USP39: variants seen among roughly 807,000 people sequenced by gnomAD.
USP39 encodes the protein ubiquitin carboxyl-terminal hydrolase 39.
A neutral mutation model predicts 66.4 loss-of-function variants in USP39; 38 were observed. That is an observed-to-expected ratio of 0.57 (90% confidence interval 0.44 to 0.75). The LOEUF is 0.75. Ranked by LOEUF, USP39 falls within the 30% of genes least tolerant of loss-of-function variation. The pLI, the probability that USP39 is intolerant of heterozygous loss-of-function variation, is 0.00. For missense variants in USP39, 608 were observed against 714.4 expected, an observed-to-expected ratio of 0.85 and a Z score of 1.70; for synonymous variants, 303 against 274.6, an observed-to-expected ratio of 1.10 and a Z score of -1.02.
At position 85,641,026 on chromosome 2, in the gene USP39, G is replaced by A. The variant is rs373660253; in HGVS notation, c.1335G>A (p.Lys445=). 5.6e-6 allele frequency: 9 copies of A among 1,613,698 alleles called. No homozygotes were observed. The African/African-American group carries it at 8.0e-5, about 14-fold the overall frequency. ...ENFLKRFQLT[K]LPPYLIFCIK... ...TTCTGAAGCGCTTCCAGCTTACCAAGTTGCCTCCATATCTAATCTTTTGTA... is the reference window on the plus strand; with the variant it reads ...TTCTGAAGCGCTTCCAGCTTACCAAATTGCCTCCATATCTAATCTTTTGTA... Residue 445 remains lysine, a synonymous_variant, in exon 10 of 13, where the codon AAG becomes AAA. Coordinates refer to ENST00000323701, the MANE Select transcript of USP39 (RefSeq NM_006590.4).
upstream of USP39, chr2:85,611,759 C>G (rs754900739): frequency 6.2e-7 from 1 of 1,612,302 alleles, no homozygotes; most frequent in Non-Finnish European, 8.5e-7. Flanking sequence ...CCTTGGCCGC[C>G]TGCTTCACCT....
Position 85,649,027 on chromosome 2 carries a change from C to T in USP39, c.*219C>T. The T allele has an allele frequency of 1.7e-6, 1 of 593,708 alleles. No individual in the cohort carries two copies. The highest frequency in any genetic ancestry group is 3.0e-6 in the Non-Finnish European group (1 of 331,582). 36.8% of individuals were successfully genotyped at this position (593,708 alleles called of 1,614,324 possible). A position where few individuals can be genotyped will look rare whatever the true frequency, so the allele number is the denominator to read the frequency against. ...ATCATTTTTTTCTAGATTGATGCTC[C>T]TTTCTCCCATGCATTGAGCTCCCAT... On this transcript the variant is annotated 3_prime_UTR_variant, in exon 13 of 13. Coordinates refer to ENST00000323701, the MANE Select transcript of USP39 (RefSeq NM_006590.4).
chr2:85,611,405 A>AGT, upstream of USP39: 1 of 1,493,752 alleles, frequency 6.7e-7, no homozygotes, highest in South Asian at 1.4e-5. Flanking sequence ...ACTAAAATAC[A>AGT]GCACGGTGGG....
Position 85,639,264 on chromosome 2 carries a change from C to G in USP39, c.1157C>G (p.Ser386Cys), listed in dbSNP as rs771705876. 7 of 1,613,852 alleles carry G rather than the reference C, an allele frequency of 4.3e-6. No homozygotes were observed. The highest frequency in any genetic ancestry group is 5.9e-6 in the Non-Finnish European group (7 of 1,180,016). ...NDEYQETMVE[S>C]TFMYLTLDLP... ...GAGTACCAGGAGACAATGGTGGAGT[C>G]CACTTTTATGTACCTGACGCTGGAC... Residue 386 changes from serine to cysteine, a missense_variant, in exon 9 of 13, where the codon TCC (serine) becomes TGC (cysteine). By Grantham distance (112) the Ser-to-Cys change is moderately radical. This residue lies in a region of USP39 where 164 missense variants were observed against 250.3 expected (regional missense o/e 0.66). Transcript: ENST00000323701.
upstream of USP39, chr2:85,611,723 G>A (rs899250671): frequency 6.2e-7 from 1 of 1,603,842 alleles, no homozygotes; most frequent in Admixed American, 1.7e-5. Flanking sequence ...GCGTCGGCGC[G>A]GGCGTGTGCC....
In USP39 at chr2:85,616,490, G is replaced by A. The variant is rs750190787; in HGVS notation, c.268+27G>A. On this transcript the variant is annotated intron_variant, in intron 1 of 12. Coordinates refer to ENST00000323701, the MANE Select transcript of USP39 (RefSeq NM_006590.4). ...TGCGCGGGGCCGGGCCGGGCTAGGC[G>A]CGAGAGCCTGTTTTTTTCGCGTCCT... The A allele has an allele frequency of 1.5e-5, 21 of 1,421,998 alleles. No individual in the cohort carries two copies. The African/African-American group carries it at 2.5e-4, about 17-fold the overall frequency. The allele number at this position is 1,421,998 out of a possible 1,614,324, so 88.1% of individuals were successfully genotyped here.
intron 7 of USP39, 34 bp downstream of exon 7, chr2:85,636,164 G>A (rs1369213286): frequency 6.2e-7 from 1 of 1,603,994 alleles, no homozygotes; most frequent in Non-Finnish European, 8.5e-7. Flanking sequence ...GAGTTATTTT[G>A]TTCCCTTTTA....
chr2:85,622,283 G>A (rs1674522862), intron 3 of USP39, among the ~76,000 whole-genome samples: 1 of 151,372 alleles, frequency 6.6e-6, no homozygotes, highest in Admixed American at 6.6e-5. Context: ...CATCACACCC[G>A]GCTAATTTTA....
upstream of USP39, chr2:85,608,803 G>GA: frequency 5.7e-6 from 6 of 1,056,082 alleles, no homozygotes; most frequent in Admixed American, 2.4e-5. Flanking sequence ...GCCAGGTGTA[G>GA]TCCTGCAACA....
chr2:85,625,662 G>A lies in USP39; in HGVS notation c.694G>A (p.Ala232Thr). ...PGIVGLNNIK[A>T]NDYANAVLQA... The stretch of plus-strand genomic sequence containing the variant: ...TATTGTGGGACTGAATAACATAAAG[G>A]CCAATGATTATGCCAACGCTGTCCT... Residue 232 changes from alanine to threonine, a missense_variant, in exon 5 of 13, where the codon GCC becomes ACC. By Grantham distance (58) the Ala-to-Thr change is moderately conservative. Around this residue, in one of 6 missense-constraint regions of USP39, gnomAD observed 115 missense variants for 198.6 expected, o/e 0.58. Transcript: ENST00000323701. 6.2e-7 allele frequency: 1 copy of A among 1,613,684 alleles called. No homozygotes were observed. The highest frequency in any genetic ancestry group is 8.5e-7 in the Non-Finnish European group (1 of 1,179,754).
In USP39 at chr2:85,616,572, G is replaced by C; in HGVS notation, c.268+109G>C. 8 of 1,336,428 alleles carry C rather than the reference G, an allele frequency of 6.0e-6. 1 individual carries two copies. The highest frequency in any genetic ancestry group is 7.8e-6 in the Non-Finnish European group (8 of 1,025,744). The allele number at this position is 1,336,428 out of a possible 1,614,324, so 82.8% of individuals were successfully genotyped here. On this transcript the variant is annotated intron_variant, in intron 1 of 12. Coordinates refer to ENST00000323701, the MANE Select transcript of USP39 (RefSeq NM_006590.4). Reference sequence around the variant, plus strand: ...CTGCGCCGGAGTTGGGGGAGGGGTGGGGTTGGGGTGGAGAAGAGGAGGGAT... The same window carrying C: ...CTGCGCCGGAGTTGGGGGAGGGGTGCGGTTGGGGTGGAGAAGAGGAGGGAT...
chr2:85,614,619 T>C (rs1218383365), upstream of USP39, among the ~76,000 whole-genome samples: 1 of 152,224 alleles, frequency 6.6e-6, no homozygotes. Flanking sequence ...ACAATGCTTG[T>C]TTATATATAG....
chr2:85,616,267 C>G lies in USP39; in HGVS notation c.72C>G (p.Ser24Arg). The change falls in exon 1 of 13, where the codon AGC (serine) becomes AGG (arginine). Residue 24 changes from serine to arginine, a missense_variant. Ser to Arg is a moderately radical substitution (Grantham distance 110). Coordinates refer to ENST00000323701, the MANE Select transcript of USP39 (RefSeq NM_006590.4). ...RGKRESESRG[S>R]SGRVKRERDR... ...AGCGAGAGTCTGAGTCGCGGGGCAG[C>G]TCCGGTCGCGTCAAGCGGGAGCGAG... 3 of 1,541,246 alleles carry G rather than the reference C, an allele frequency of 1.9e-6. No homozygotes were observed. The highest frequency in any genetic ancestry group is 2.6e-6 in the Non-Finnish European group (3 of 1,142,062).
At chr2:85,634,043 T>C (rs529059356) in intron 6 of USP39, among the ~76,000 whole-genome samples, 14 of 150,418 alleles carry the variant, frequency 9.3e-5, no homozygotes, top group Admixed American at 3.3e-4. Flanking sequence ...TTCACCGTTT[T>C]AGCCGGGATG....
At chr2:85,612,380 C>A, upstream of USP39, 1 of 1,535,544 alleles carries the variant, frequency 6.5e-7, no homozygotes, top group Non-Finnish European at 8.7e-7. Flanking sequence ...GCTGTGCAAT[C>A]CATCGCCATC....
rs958484586 is a variant in USP39, at chr2:85,640,508, C to T, written c.1285-468C>T. 9.1e-4 allele frequency among the ~76,000 whole-genome samples: 138 copies of T among 150,966 alleles called. 3 individuals carry two copies. The highest frequency in any genetic ancestry group is 2.9e-3 in the African/African-American group (121 of 41,164). On this transcript the variant is annotated intron_variant, in intron 9 of 12. Transcript: ENST00000323701. Reference sequence around the variant, plus strand: ...TTCACCCTGTTGGCCAGGCTGGTCTCGATCTCCTGGCCTCAAGTGATCTGC... The same window carrying T: ...TTCACCCTGTTGGCCAGGCTGGTCTTGATCTCCTGGCCTCAAGTGATCTGC...
intron 10 of USP39, among the ~76,000 whole-genome samples, chr2:85,641,868 C>T (rs1267694916): frequency 1.4e-5 from 2 of 147,516 alleles, no homozygotes; most frequent in East Asian, 4.0e-4. Flanking sequence ...GGTGTCACTG[C>T]CCTCCAGCCT....
At chr2:85,622,459 C>T (rs1325469470) in intron 3 of USP39, among the ~76,000 whole-genome samples, 4 of 151,962 alleles carry the variant, frequency 2.6e-5, no homozygotes, top group Non-Finnish European at 5.9e-5. Flanking sequence ...CTCTGTTGCC[C>T]AGGCTAGTCT....
chr2:85,617,154 A>G (rs1388372300), intron 1 of USP39, among the ~76,000 whole-genome samples: 10 of 132,594 alleles, frequency 7.5e-5, no homozygotes, highest in African/African-American at 1.7e-4. Context: ...AAGTCTCGCT[A>G]TGTTGCCTAG....
Sources: gnomAD v4.1 joint callset for allele counts (sites outside exome capture counted in the v4.1 genomes callset) on GRCh38, gnomAD v4.1.1 for gene constraint, gnomAD v4.1.1 regional missense constraint, MANE v1.5 for transcripts, NCBI Gene and HGNC (gene_info 2026-07-23, HGNC 2026-07-21) for gene names.